Variants in CSMD2 observed in about 807,000 individuals in gnomAD.
The protein encoded by CSMD2 is CUB and sushi domain-containing protein 2.
In CSMD2, 130 loss-of-function variants were observed where a neutral mutation model predicts 398.5. The observed-to-expected ratio is 0.33, with a 90% CI of 0.28 to 0.38. CSMD2 has a LOEUF of 0.38. CSMD2 is among the 10% of genes least tolerant of loss of function. The pLI is 1.00. For missense variants in CSMD2, 3,829 were observed against 4,764.9 expected, an observed-to-expected ratio of 0.80 and a Z score of 5.78; for synonymous variants, 1,828 against 1,908.5, an observed-to-expected ratio of 0.96 and a Z score of 1.10.
chr1:33,761,203 C>G (rs1649774529), intron 13 of CSMD2, among the ~76,000 whole-genome samples: 1 of 152,114 alleles, frequency 6.6e-6, no homozygotes, highest in Admixed American at 6.5e-5. Flanking sequence ...CTGTGAGATT[C>G]TGAGGAACTG....
At chr1:33,632,560 A>G (rs1928346) in intron 32 of CSMD2, among the ~76,000 whole-genome samples, 1,589 of 152,206 alleles carry the variant, frequency 0.01, 14 homozygotes, top group Non-Finnish European at 0.018. Flanking sequence ...ATGAGATACC[A>G]TTTTCACTTT....
rs1571297877 is a variant in CSMD2 at position 34,157,658 on chromosome 1, T to C, written c.187+7253A>G. Among the ~76,000 whole-genome samples, 5 of 80,996 alleles carry C rather than the reference T, an allele frequency of 6.2e-5. No homozygotes were observed. The South Asian group carries it at 1.8e-3, about 29-fold the overall frequency. 53.1% of individuals were successfully genotyped at this position (80,996 alleles called of 152,430 possible). On this transcript the variant is annotated intron_variant, in intron 1 of 70. Transcript: ENST00000373381. Reference sequence around the variant, plus strand: ...CCCCTGAATACTGCACACCCCACCCTCTCGATCCCATCCCCGACATCACAT... The same window carrying C: ...CCCCTGAATACTGCACACCCCACCCCCTCGATCCCATCCCCGACATCACAT...
At chr1:33,642,756 T>C (rs1376385282) in intron 29 of CSMD2, among the ~76,000 whole-genome samples, 1 of 152,256 alleles carries the variant, frequency 6.6e-6, no homozygotes, top group African/African-American at 2.4e-5. Context: ...CAGATTGTTT[T>C]GAGTGGGTTT....
intron 2 of CSMD2, among the ~76,000 whole-genome samples, chr1:34,036,309 A>T (rs1324759381): frequency 6.6e-6 from 1 of 152,186 alleles, no homozygotes; most frequent in African/African-American, 2.4e-5. Flanking sequence ...GTACATCCAT[A>T]CCACAGAATA....
At chr1:34,078,621 A>T (rs533081247) in intron 2 of CSMD2, among the ~76,000 whole-genome samples, 12 of 152,346 alleles carry the variant, frequency 7.9e-5, no homozygotes, top group Non-Finnish European at 1.2e-4. Flanking sequence ...CAAACCTTGT[A>T]TGAGGTCATA....
rs59706894 is a variant in CSMD2 at position 33,907,115 on chromosome 1, CTTTT to C, written c.920+10975_920+10978del. Among the ~76,000 whole-genome samples, 70 of 88,982 alleles carry C rather than the reference CTTTT, an allele frequency of 7.9e-4. 2 individuals are homozygous for C. The East Asian group carries it at 0.021, about 27-fold the overall frequency. 58.4% of individuals were successfully genotyped at this position (88,982 alleles called of 152,430 possible). On this transcript the variant is annotated intron_variant, in intron 5 of 70. Coordinates refer to ENST00000373381, the MANE Select transcript of CSMD2 (RefSeq NM_001281956.2). The stretch of plus-strand genomic sequence containing the variant: ...GTGGGGTTGGTTATTTGATGATTAT[CTTTT>C]TTTTTTTTTTTTTTTTTGAGACGGA...
At chr1:33,973,887 G>A (rs1645862868) in intron 3 of CSMD2, among the ~76,000 whole-genome samples, 1 of 152,140 alleles carries the variant, frequency 6.6e-6, no homozygotes, top group African/African-American at 2.4e-5. Context: ...CACACTGAGA[G>A]GGGTAGGAAG....
At chr1:33,937,442 G>A (rs1345318421) in intron 3 of CSMD2, among the ~76,000 whole-genome samples, 1 of 152,186 alleles carries the variant, frequency 6.6e-6, no homozygotes, top group East Asian at 1.9e-4. Flanking sequence ...GTAAAAGAGT[G>A]GGGTGGCAGT....
intron 42 of CSMD2, among the ~76,000 whole-genome samples, chr1:33,604,674 A>C (rs1640463884): frequency 6.6e-6 from 1 of 152,182 alleles, no homozygotes; most frequent in Non-Finnish European, 1.5e-5. Context: ...GGCAAATGGA[A>C]CTGAAGTGTG....
intron 5 of CSMD2, among the ~76,000 whole-genome samples, chr1:33,880,416 C>G (rs1343854190): frequency 6.6e-6 from 1 of 152,256 alleles, no homozygotes; most frequent in Admixed American, 6.5e-5. Context: ...ATACCACCTA[C>G]TCTTTAATCA....
chr1:33,649,775 C>T, intron 28 of CSMD2, among the ~76,000 whole-genome samples: 1 of 152,206 alleles, frequency 6.6e-6, no homozygotes, highest in East Asian at 1.9e-4. Flanking sequence ...ACTTACTGTA[C>T]TCTATTTGAG....
chr1:33,672,053 T>C (rs1166157160), intron 25 of CSMD2, among the ~76,000 whole-genome samples: 1 of 152,102 alleles, frequency 6.6e-6, no homozygotes, highest in Non-Finnish European at 1.5e-5. Flanking sequence ...GCTCCCAGCA[T>C]GAGTGATGCA....
chr1:33,825,026 C>CT (rs1448730891), intron 7 of CSMD2, among the ~76,000 whole-genome samples: 2 of 152,200 alleles, frequency 1.3e-5, no homozygotes, highest in Non-Finnish European at 2.9e-5. Context: ...AGCACAGGCC[C>CT]TGATCAGGTG....
Position 34,008,985 on chromosome 1 carries a change from C to G in CSMD2, c.517+23609G>C, listed in dbSNP as rs190569536. On this transcript the variant is annotated intron_variant, in intron 3 of 70. Transcript: ENST00000373381. The stretch of plus-strand genomic sequence containing the variant: ...AGCTCCCCAGCTTTCTTTGCCTACC[C>G]CATCCACTTTGCCTACCCCATCCAC... Among the ~76,000 whole-genome samples the G allele has an allele frequency of 7.5e-4, 114 of 151,156 alleles. No homozygotes were observed. The East Asian group carries it at 0.01, about 13-fold the overall frequency.
At chr1:33,961,606 C>A (rs760477617) in intron 3 of CSMD2, among the ~76,000 whole-genome samples, 2 of 152,136 alleles carry the variant, frequency 1.3e-5, no homozygotes, top group Non-Finnish European at 2.9e-5. Flanking sequence ...GGTTTGAATG[C>A]GAGCCTAGTG....
intron 5 of CSMD2, among the ~76,000 whole-genome samples, chr1:33,852,789 T>A (rs1638811050): frequency 6.6e-6 from 1 of 152,246 alleles, no homozygotes. Context: ...AGAACAGGGG[T>A]TGGCAAACTA....
chr1:34,157,846 C>A (rs1640950272), intron 1 of CSMD2, among the ~76,000 whole-genome samples: 1 of 152,100 alleles, frequency 6.6e-6, no homozygotes, highest in Non-Finnish European at 1.5e-5. Flanking sequence ...CCATCATGTT[C>A]CACTCCATCT....
intron 25 of CSMD2, among the ~76,000 whole-genome samples, chr1:33,667,246 G>C (rs1298705891): frequency 6.6e-6 from 1 of 152,138 alleles, no homozygotes; most frequent in Non-Finnish European, 1.5e-5. Flanking sequence ...TGAAACCCCA[G>C]TCTGACACGA....
At chr1:33,935,013 T>TAAA (rs537683892) in intron 4 of CSMD2, among the ~76,000 whole-genome samples, 1 of 42,328 alleles carries the variant, frequency 2.4e-5, no homozygotes, top group African/African-American at 6.4e-5. Flanking sequence ...CAAATAAAAT[T>TAAA]AAAAAAAAAA....
Sources: gnomAD v4.1 joint callset for allele counts (sites outside exome capture counted in the v4.1 genomes callset) on GRCh38, gnomAD v4.1.1 for gene constraint, MANE v1.5 for transcripts, NCBI Gene and HGNC (gene_info 2026-07-23, HGNC 2026-07-21) for gene names.